The following NBAS variants were observed in gnomAD, a reference collection of about 807,000 sequenced individuals.
NBAS encodes NAG/BC035112 fusion.
A neutral mutation model predicts 302.5 loss-of-function variants in NBAS; 219 were observed. The ratio of observed to expected loss-of-function variants is 0.72; its 90% CI spans 0.65 to 0.81. The LOEUF (loss-of-function observed/expected upper bound fraction) is 0.81. NBAS is among the 30% of genes least tolerant of loss of function. The probability of loss-of-function intolerance (pLI) is 0.00; values close to 1 mark genes in which losing one functional copy is unlikely to be tolerated. For synonymous variants in NBAS, 1,118 were observed against 1,021.6 expected (o/e 1.09, Z -1.80); for missense variants, 2,932 against 2,841.6 (o/e 1.03, Z -0.72).
At chr2:14,789,367 C>G in the NBAS span, among the ~76,000 whole-genome samples, 2 of 152,154 alleles carry the variant, frequency 1.3e-5, no homozygotes, top group East Asian at 3.9e-4. Flanking sequence ...CTGGCACTCC[C>G]TAGTGAGATG....
chr2:15,507,613 A>T (rs1016691756), intron 10 of NBAS, among the ~76,000 whole-genome samples: 2 of 152,210 alleles, frequency 1.3e-5, no homozygotes, highest in African/African-American at 4.8e-5. Context: ...ATAAGGTGGA[A>T]TTCAAACACC....
At chr2:15,217,979 G>A (rs756447172) in intron 48 of NBAS, among the ~76,000 whole-genome samples, 14 of 152,208 alleles carry the variant, frequency 9.2e-5, no homozygotes, top group Non-Finnish European at 1.3e-4. Flanking sequence ...GTTCCAGAGA[G>A]AAGATGGACT....
rs773997611 is a variant in NBAS, at chr2:15,167,354, G to A, written c.6841-31C>T. On this transcript the variant is annotated intron_variant, in intron 51 of 51. Transcript: ENST00000281513. ...AGAAATAAGACAGGCACAGCGTGAG[G>A]GGGTGTTTGCTTTGTTCGCCTCCCC... The A allele has an allele frequency of 8.1e-6, 13 of 1,613,274 alleles. No individual in the cohort carries two copies. In the South Asian group the frequency reaches 1.2e-4, roughly 15 times the overall value.
intron 9 of NBAS, among the ~76,000 whole-genome samples, chr2:15,533,683 T>TGC (rs1411677907): frequency 1.4e-3 from 6 of 4,302 alleles, no homozygotes; most frequent in Non-Finnish European, 3.7e-3. Context: ...GGTGTGCGTG[T>TGC]GTGTGTGTGT....
intron 48 of NBAS, among the ~76,000 whole-genome samples, chr2:15,203,890 T>TGCTTGTGTGTG (rs1666009557): frequency 2.8e-4 from 36 of 129,534 alleles, no homozygotes; most frequent in African/African-American, 8.9e-4. Flanking sequence ...GTGTGTGTGC[T>TGCTTGTGTGTG]TGTGTGTGTG....
intron 31 of NBAS, among the ~76,000 whole-genome samples, chr2:15,366,980 T>C (rs184717623): frequency 3.3e-5 from 5 of 152,298 alleles, no homozygotes; most frequent in Admixed American, 6.5e-5. Flanking sequence ...TTATGTACCA[T>C]GTCAGGACTT....
chr2:14,988,656 A>C, the NBAS span, among the ~76,000 whole-genome samples: 1 of 152,192 alleles, frequency 6.6e-6, no homozygotes, highest in Non-Finnish European at 1.5e-5. Context: ...GCTAATTCAC[A>C]AAAGAATAAA....
intron 21 of NBAS, among the ~76,000 whole-genome samples, chr2:15,459,357 A>G (rs1218078143): frequency 6.6e-6 from 1 of 152,242 alleles, no homozygotes; most frequent in Admixed American, 6.5e-5. Flanking sequence ...GATTAGATTT[A>G]TTCTGCAAAG....
chr2:15,506,133 G>T (rs1661837925), intron 10 of NBAS, among the ~76,000 whole-genome samples: 1 of 152,070 alleles, frequency 6.6e-6, no homozygotes, highest in African/African-American at 2.4e-5. Context: ...CTACTGGAAA[G>T]AGAAGATAGT....
chr2:15,034,029 G>GAAGAAGAAGAAGAAGAA, the NBAS span, among the ~76,000 whole-genome samples: 3 of 11,564 alleles, frequency 2.6e-4, no homozygotes, highest in African/African-American at 4.2e-4. Flanking sequence ...AAGAAGAAGA[G>GAAGAAGAAGAAGAAGAA]GAGGAGGAAG....
intron 47 of NBAS, among the ~76,000 whole-genome samples, chr2:15,226,157 G>A (rs886389521): frequency 7.2e-5 from 11 of 152,192 alleles, no homozygotes; most frequent in African/African-American, 2.7e-4. Flanking sequence ...ACCTCTCTGA[G>A]CTTCATTTCC....
At chr2:14,853,727 G>T in the NBAS span, among the ~76,000 whole-genome samples, 1 of 105,236 alleles carries the variant, frequency 9.5e-6, no homozygotes, top group East Asian at 2.5e-4. Context: ...ATACACCATG[G>T]AGTACTATGC....
chr2:15,043,265 C>T, the NBAS span, among the ~76,000 whole-genome samples: 2 of 152,128 alleles, frequency 1.3e-5, no homozygotes, highest in Non-Finnish European at 2.9e-5. Context: ...GGGACATTGC[C>T]TCCCTGTGCG....
At chr2:15,157,071 C>A in the NBAS span, among the ~76,000 whole-genome samples, 4 of 152,098 alleles carry the variant, frequency 2.6e-5, 1 homozygote, top group Admixed American at 2.6e-4. Flanking sequence ...CTATGCAAAC[C>A]AGGAGGTCAA....
At chr2:15,308,071 C>A in intron 40 of NBAS, 145 bp downstream of exon 40, 1 of 1,221,108 alleles carries the variant, frequency 8.2e-7, no homozygotes, top group East Asian at 2.5e-5. Flanking sequence ...TTGTCGAATA[C>A]AGGAAAGCCA....
chr2:14,796,855 A>T, the NBAS span, among the ~76,000 whole-genome samples: 1 of 148,652 alleles, frequency 6.7e-6, no homozygotes, highest in Non-Finnish European at 1.5e-5. Flanking sequence ...CTTATAAAAA[A>T]CCCAGACTCG....
the NBAS span, among the ~76,000 whole-genome samples, chr2:14,801,225 G>C: frequency 3.3e-5 from 5 of 152,010 alleles, no homozygotes; most frequent in East Asian, 3.9e-4. Context: ...GTTTGGTTTG[G>C]TTTGCTTTGG....
intron 31 of NBAS, among the ~76,000 whole-genome samples, chr2:15,372,198 AG>A (rs1674519900): frequency 6.6e-6 from 1 of 152,346 alleles, no homozygotes; most frequent in Admixed American, 6.5e-5. Flanking sequence ...AAATATTCAA[AG>A]GCTGTTCATT....
intron 40 of NBAS, among the ~76,000 whole-genome samples, chr2:15,296,476 A>G (rs560467166): frequency 6.6e-6 from 1 of 152,090 alleles, no homozygotes; most frequent in South Asian, 2.1e-4. Context: ...CAGTGAGCTG[A>G]GATTGTGCTA....
Sources: gnomAD v4.1 joint callset for allele counts (sites outside exome capture counted in the v4.1 genomes callset) on GRCh38, gnomAD v4.1.1 for gene constraint, MANE v1.5 for transcripts, NCBI Gene and HGNC (gene_info 2026-07-23, HGNC 2026-07-21) for gene names.